RBBP8: variants seen among roughly 807,000 people sequenced by gnomAD.
RBBP8 encodes DNA endonuclease RBBP8.
RBBP8 carries 88 observed loss-of-function variants against 108.3 expected under a neutral mutation model. That is an observed-to-expected ratio of 0.81 (90% CI 0.68 to 0.97). RBBP8 has a LOEUF of 0.97. RBBP8 is among the 50% of genes least tolerant of loss of function. The probability of loss-of-function intolerance (pLI) is 0.00; values close to 1 mark genes in which losing one functional copy is unlikely to be tolerated. For synonymous variants in RBBP8, 332 were observed against 348.2 expected (o/e 0.95, Z 0.52); for missense variants, 1,023 against 1,049.0 (o/e 0.98, Z 0.34).
chr18:22,954,667 A>G (rs1377336693), intron 4 of RBBP8, among the ~76,000 whole-genome samples: 3 of 152,144 alleles, frequency 2.0e-5, no homozygotes, highest in African/African-American at 7.2e-5. Context: ...GTCTTATTAC[A>G]GCTCCACTAG....
chr18:22,979,345 A>T (rs534293561), intron 6 of RBBP8, among the ~76,000 whole-genome samples: 9 of 152,122 alleles, frequency 5.9e-5, no homozygotes, highest in South Asian at 2.1e-4. Context: ...AATTTAAAAA[A>T]TTTTAAATAA....
chr18:23,019,883 T>A (rs1419896193), intron 17 of RBBP8, among the ~76,000 whole-genome samples: 2 of 150,094 alleles, frequency 1.3e-5, no homozygotes, highest in Non-Finnish European at 3.0e-5. Flanking sequence ...CGCCTCAGCC[T>A]CCTGAGTAGC....
intron 2 of RBBP8, chr18:22,937,198 TC>T: frequency 1.5e-6 from 1 of 655,112 alleles, no homozygotes; most frequent in Non-Finnish European, 2.3e-6. Flanking sequence ...CCCACCCTCT[TC>T]CCACCCCCCT....
chr18:22,942,188 C>A (rs959206612), intron 2 of RBBP8, among the ~76,000 whole-genome samples: 1 of 151,982 alleles, frequency 6.6e-6, no homozygotes, highest in Non-Finnish European at 1.5e-5. Context: ...AAAATTGACT[C>A]ATGACTTTTA....
intron 8 of RBBP8, 64 bp downstream of exon 8, chr18:22,985,054 C>T (rs1915225738): frequency 6.3e-7 from 1 of 1,599,996 alleles, no homozygotes; most frequent in African/African-American, 1.3e-5. Flanking sequence ...GTAACAGTGA[C>T]CCACAGTCTA....
At chr18:23,000,325 G>A (rs2045926206) in intron 14 of RBBP8, among the ~76,000 whole-genome samples, 1 of 152,138 alleles carries the variant, frequency 6.6e-6, no homozygotes, top group African/African-American at 2.4e-5. Flanking sequence ...TTAGATCTGT[G>A]AAGATGAATT....
intron 5 of RBBP8, among the ~76,000 whole-genome samples, chr18:22,971,443 A>G (rs1293076533): frequency 2.0e-5 from 3 of 152,186 alleles, no homozygotes; most frequent in Non-Finnish European, 2.9e-5. Flanking sequence ...AGCAGTTGAT[A>G]CATAAGGGAA....
At chr18:22,926,768 C>T (rs1472193487) in intron 3 of RBBP8, among the ~76,000 whole-genome samples, 3 of 152,136 alleles carry the variant, frequency 2.0e-5, no homozygotes, top group African/African-American at 4.8e-5. Flanking sequence ...CCAGGCTACA[C>T]GAGACTAATC....
At position 22,982,246 on chromosome 18, in the gene RBBP8, C is replaced by G. The variant is rs749228733; in HGVS notation, c.457C>G (p.Leu153Val). Residue 153 changes from leucine to valine, a missense_variant, in exon 7 of 19, where the codon CTT (leucine) becomes GTT (valine). Transcript: ENST00000327155. ...TGATCAACAGCATCAAGCAGCTGAG[C>G]TTGAATGTGAGGAAGACGTTATTCC... ...ENDQQHQAAE[L>V]ECEEDVIPDS... 3.9e-5 allele frequency: 63 copies of G among 1,613,900 alleles called. No homozygotes were observed. Among genetic ancestry groups the G allele is most frequent in the Non-Finnish European group, 5.2e-5 (61 of 1,179,936 alleles).
intron 4 of RBBP8, among the ~76,000 whole-genome samples, chr18:22,964,318 T>TA (rs2144568742): frequency 6.6e-6 from 1 of 151,902 alleles, no homozygotes; most frequent in South Asian, 2.1e-4. Context: ...AGAAATTCCA[T>TA]AATGATGAGT....
intron 5 of RBBP8, among the ~76,000 whole-genome samples, chr18:22,969,942 A>G (rs1913943263): frequency 6.6e-6 from 1 of 152,220 alleles, no homozygotes; most frequent in South Asian, 2.1e-4. Context: ...TTACATCTCA[A>G]TAAATATGTA....
chr18:23,022,136 C>A lies in RBBP8; in HGVS notation c.2462C>A (p.Ala821Glu). The stretch of plus-strand genomic sequence containing the variant: ...ACCAGTTTTTATTATTAGTATTATG[C>A]AGATATGCCAGCAGAAGAAAGAGAA... ...HTCKECEIYY[A>E]DMPAEEREKK... is the part of the protein sequence containing the mutation. Residue 821 changes from alanine (A) to glutamate (E), a missense_variant, in exon 18 of 19, where the codon GCA becomes GAA. Ala to Glu is a moderately radical substitution (Grantham distance 107). Transcript: ENST00000327155. 6.3e-7 allele frequency: 1 copy of A among 1,597,428 alleles called. No homozygotes were observed. The highest frequency in any genetic ancestry group is 8.6e-7 in the Non-Finnish European group (1 of 1,164,942).
chr18:22,953,971 T>A (rs1912268013), intron 4 of RBBP8, among the ~76,000 whole-genome samples: 1 of 151,828 alleles, frequency 6.6e-6, no homozygotes, highest in South Asian at 2.1e-4. Flanking sequence ...TATAAAACCA[T>A]CAGATCTCAT....
intron 3 of RBBP8, among the ~76,000 whole-genome samples, chr18:22,927,518 T>C (rs1909834526): frequency 6.6e-6 from 1 of 152,160 alleles, no homozygotes. Flanking sequence ...TAGCCACTAG[T>C]CACATGCAGA....
chr18:22,947,665 T>C (rs945559673), intron 3 of RBBP8, among the ~76,000 whole-genome samples: 1 of 152,080 alleles, frequency 6.6e-6, no homozygotes, highest in African/African-American at 2.4e-5. Flanking sequence ...TAACTCTTCC[T>C]TTGGATGAGG....
At chr18:22,925,020 G>A (rs185651236) in intron 3 of RBBP8, among the ~76,000 whole-genome samples, 1 of 151,824 alleles carries the variant, frequency 6.6e-6, no homozygotes, top group Non-Finnish European at 1.5e-5. Flanking sequence ...AGTAGCTGAG[G>A]CTACACACAA....
In RBBP8 at chr18:22,936,974, T is replaced by C. The variant is rs1367869352; in HGVS notation, c.109+14T>C. 6.2e-7 allele frequency: 1 copy of C among 1,613,598 alleles called. No homozygotes were observed. Among genetic ancestry groups the C allele is most frequent in the Admixed American group, 1.7e-5 (1 of 60,018 alleles). On this transcript the variant is annotated intron_variant, in intron 2 of 18. Coordinates refer to ENST00000327155, the MANE Select transcript of RBBP8 (RefSeq NM_002894.3). ...GAGAAGTACAAGGTAAAATCTTTTC[T>C]TAAATACTTACAGCAGTATTTTGTT... is the stretch of plus-strand genomic sequence containing the variant.
rs192496283 is a variant in RBBP8, at chr18:22,962,502, A to G, written c.249-6304A>G. Among the ~76,000 whole-genome samples the G allele has an allele frequency of 8.2e-4, 125 of 151,954 alleles. 1 individual carries two copies. The East Asian group carries it at 0.011, about 13-fold the overall frequency. ...GTTCCCCAACCTAACTGGATCTTCT[A>G]TCTCCCTCTGTGATTTGTTTCCTCC... On this transcript the variant is annotated intron_variant, in intron 4 of 18. Coordinates refer to ENST00000327155, the MANE Select transcript of RBBP8 (RefSeq NM_002894.3).
At chr18:22,996,995 G>C (rs916466213) in intron 13 of RBBP8, among the ~76,000 whole-genome samples, 2 of 152,102 alleles carry the variant, frequency 1.3e-5, no homozygotes, top group Non-Finnish European at 2.9e-5. Context: ...GCAAGACCCT[G>C]TCTCATAAAT....
Sources: allele counts gnomAD v4.1 joint callset (sites outside exome capture counted in the v4.1 genomes callset), GRCh38; gene constraint gnomAD v4.1.1; transcripts MANE v1.5; gene names NCBI Gene and HGNC (gene_info 2026-07-23, HGNC 2026-07-21).